Variants in FRMD6 observed in about 807,000 individuals in gnomAD.
FRMD6 encodes the protein FERM domain-containing protein 6.
In FRMD6, 37 loss-of-function variants were observed where a neutral mutation model predicts 73.2. The observed-to-expected ratio is 0.51, with a 90% CI of 0.39 to 0.66. The LOEUF is 0.66. FRMD6 is among the 30% of genes least tolerant of loss of function. The pLI, the probability that FRMD6 is intolerant of heterozygous loss-of-function variation, is 0.00. For synonymous variants in FRMD6, 273 were observed against 282.2 expected (o/e 0.97, Z 0.33); for missense variants, 714 against 780.5 (o/e 0.91, Z 1.02).
the FRMD6 span, among the ~76,000 whole-genome samples, chr14:51,426,824 T>A: frequency 6.6e-6 from 1 of 152,182 alleles, no homozygotes; most frequent in Non-Finnish European, 1.5e-5. Context: ...GTGAGGACCC[T>A]GGCTCGCAGG....
intron 2 of FRMD6, among the ~76,000 whole-genome samples, chr14:51,635,599 T>C (rs569621320): frequency 4.0e-4 from 61 of 152,354 alleles, no homozygotes; most frequent in African/African-American, 1.4e-3. Flanking sequence ...AATTTTACCA[T>C]AAGGCAGATT....
the FRMD6 span, among the ~76,000 whole-genome samples, chr14:51,446,476 G>A: frequency 1.3e-4 from 2 of 15,240 alleles, no homozygotes; most frequent in Non-Finnish European, 2.9e-4. Flanking sequence ...ACACACGGAA[G>A]TTGAGGTTGC....
intron 1 of FRMD6, among the ~76,000 whole-genome samples, chr14:51,536,044 A>T (rs1237578100): frequency 2.0e-5 from 3 of 146,600 alleles, no homozygotes; most frequent in Admixed American, 6.9e-5. Flanking sequence ...CCATATATAT[A>T]TTATATTATA....
At chr14:51,708,940 G>A (rs1157139571) in intron 7 of FRMD6, among the ~76,000 whole-genome samples, 1 of 152,002 alleles carries the variant, frequency 6.6e-6, no homozygotes, top group African/African-American at 2.4e-5. Context: ...TGTATCTCTA[G>A]CCTCGTTTTT....
At chr14:51,549,278 A>T (rs1275086780) in intron 1 of FRMD6, among the ~76,000 whole-genome samples, 1 of 152,202 alleles carries the variant, frequency 6.6e-6, no homozygotes, top group Non-Finnish European at 1.5e-5. Flanking sequence ...AAAACGAAAG[A>T]TGAAGTGAAT....
At chr14:51,623,577 T>C (rs1240827254) in intron 2 of FRMD6, among the ~76,000 whole-genome samples, 1 of 152,216 alleles carries the variant, frequency 6.6e-6, no homozygotes, top group Non-Finnish European at 1.5e-5. Flanking sequence ...AAAGCCACTT[T>C]ACATCTCAAC....
chr14:51,634,659 C>T (rs1891476809), intron 2 of FRMD6, among the ~76,000 whole-genome samples: 1 of 151,928 alleles, frequency 6.6e-6, no homozygotes, highest in Non-Finnish European at 1.5e-5. Flanking sequence ...TAGCTTTTGA[C>T]ATTTTTTAAA....
chr14:51,671,770 T>TA (rs779015791), intron 1 of FRMD6, among the ~76,000 whole-genome samples: 1 of 152,194 alleles, frequency 6.6e-6, no homozygotes, highest in Non-Finnish European at 1.5e-5. Context: ...TAGCAAATGT[T>TA]AAAGATGAAG....
chr14:51,506,161 C>G (rs1883950795), intron 1 of FRMD6, among the ~76,000 whole-genome samples: 1 of 152,142 alleles, frequency 6.6e-6, no homozygotes. Flanking sequence ...TGGCCTTTTC[C>G]TATTCTACTC....
chr14:51,458,326 A>T, the FRMD6 span, among the ~76,000 whole-genome samples: 584 of 152,202 alleles, frequency 3.8e-3, 2 homozygotes, highest in East Asian at 8.7e-3. Context: ...GACTGATTAG[A>T]TTTTCACAGT....
intron 7 of FRMD6, 73 bp downstream of exon 7, chr14:51,708,306 G>A (rs1020384068): frequency 1.6e-5 from 22 of 1,352,158 alleles, no homozygotes; most frequent in Admixed American, 4.3e-5. Flanking sequence ...AAGGAAAACC[G>A]AAGGATTTCA....
At chr14:51,514,131 T>G (rs953375384) in intron 1 of FRMD6, among the ~76,000 whole-genome samples, 1 of 152,174 alleles carries the variant, frequency 6.6e-6, no homozygotes, top group Non-Finnish European at 1.5e-5. Context: ...CTCCCCCACA[T>G]GACTCTTCCT....
rs1172847242 is a variant in FRMD6 at position 51,525,903 on chromosome 14, A to G, written c.-210+36483A>G. ...GGAAGTTGACAGTCCTTTGAAGAAG[A>G]TGAATGAGTAACCATACAAGTGCAA... On this transcript the variant is annotated intron_variant, in intron 1 of 14. Transcript: ENST00000356218. Among the ~76,000 whole-genome samples, 3 of 152,192 alleles carry G rather than the reference A, an allele frequency of 2.0e-5. No homozygotes were observed. In the East Asian group the frequency reaches 5.8e-4, roughly 29 times the overall value.
chr14:51,626,743 T>C (rs961794994), intron 2 of FRMD6, among the ~76,000 whole-genome samples: 1 of 152,210 alleles, frequency 6.6e-6, no homozygotes, highest in Non-Finnish European at 1.5e-5. Flanking sequence ...GTGCTACTTA[T>C]CAACTGCCAC....
chr14:51,409,790 G>A, the FRMD6 span, among the ~76,000 whole-genome samples: 1 of 152,062 alleles, frequency 6.6e-6, no homozygotes, highest in African/African-American at 2.4e-5. Flanking sequence ...TTAGAAATAA[G>A]GCTTTGCCAT....
At chr14:51,699,426 T>G (rs1488403483) in intron 3 of FRMD6, among the ~76,000 whole-genome samples, 1 of 152,096 alleles carries the variant, frequency 6.6e-6, no homozygotes, top group African/African-American at 2.4e-5. Flanking sequence ...CAACTACTGC[T>G]AGATCCTTAT....
chr14:51,559,442 C>T (rs1887349058), intron 1 of FRMD6, among the ~76,000 whole-genome samples: 2 of 152,012 alleles, frequency 1.3e-5, no homozygotes, highest in Admixed American at 1.3e-4. Flanking sequence ...CAATCAGAAT[C>T]CTCCGGTGGT....
intron 2 of FRMD6, among the ~76,000 whole-genome samples, chr14:51,591,167 G>A (rs1432268144): frequency 1.3e-5 from 2 of 152,108 alleles, no homozygotes; most frequent in Non-Finnish European, 2.9e-5. Context: ...GTTGATCAGG[G>A]CCAAGGCCAG....
chr14:51,547,704 C>T (rs1413682247), intron 1 of FRMD6: 1 of 152,116 alleles, frequency 6.6e-6, no homozygotes, highest in East Asian at 1.9e-4. Context: ...TTGTGATGCT[C>T]ACCTTTATCT....
Sources: allele counts gnomAD v4.1 joint callset (sites outside exome capture counted in the v4.1 genomes callset), GRCh38; gene constraint gnomAD v4.1.1; transcripts MANE v1.5; gene names NCBI Gene and HGNC (gene_info 2026-07-23, HGNC 2026-07-21).